PSME4: variants seen among roughly 807,000 people sequenced by gnomAD.
PSME4 encodes proteasome activator subunit 4.
In PSME4, 89 loss-of-function variants were observed where a neutral mutation model predicts 253.9. The ratio of observed to expected loss-of-function variants is 0.35; its 90% CI spans 0.30 to 0.42. PSME4 has a LOEUF of 0.42. Among genes scored for constraint, PSME4 ranks in the 10% least tolerant of loss-of-function variants. The pLI is 1.00. For missense variants in PSME4, 2,014 were observed against 2,195.2 expected, an observed-to-expected ratio of 0.92 and a Z score of 1.65; for synonymous variants, 851 against 759.2, an observed-to-expected ratio of 1.12 and a Z score of -1.99.
At chr2:53,923,143 G>C (rs1488070993) in intron 15 of PSME4, 25 bp from the exon 16 acceptor site, 4 of 1,576,042 alleles carry the variant, frequency 2.5e-6, no homozygotes, top group Non-Finnish European at 2.6e-6. Flanking sequence ...GTATAAGTAA[G>C]GCTTTTTTGA....
At chr2:53,916,659 A>G (rs1419290968) in intron 20 of PSME4, among the ~76,000 whole-genome samples, 2 of 152,216 alleles carry the variant, frequency 1.3e-5, no homozygotes, top group African/African-American at 4.8e-5. Context: ...AGATTTGAAC[A>G]ATTACTAACC....
chr2:53,899,872 A>G lies in PSME4; in HGVS notation c.3422+9T>C, dbSNP rs1680314448. On this transcript the variant is annotated intron_variant, in intron 29 of 46. Coordinates refer to ENST00000404125, the MANE Select transcript of PSME4 (RefSeq NM_014614.3). Reference sequence around the variant, plus strand: ...TGTCATCTATTGAAGTACACCATTCATCAATTACCTTAGGGCATCGGCATT... The same window carrying G: ...TGTCATCTATTGAAGTACACCATTCGTCAATTACCTTAGGGCATCGGCATT... 1.2e-6 allele frequency: 2 copies of G among 1,611,830 alleles called. No homozygotes were observed. Among genetic ancestry groups the G allele is most frequent in the Non-Finnish European group, 1.7e-6 (2 of 1,179,308 alleles).
At chr2:53,959,545 C>G (rs964018146) in intron 1 of PSME4, among the ~76,000 whole-genome samples, 3 of 152,170 alleles carry the variant, frequency 2.0e-5, no homozygotes, top group African/African-American at 7.2e-5. Context: ...ATAGCTATAT[C>G]AGTTCCAGTC....
rs1342298569 is a variant in PSME4, at chr2:53,921,022, C to T, written c.2129G>A (p.Cys710Tyr). Residue 710 changes from cysteine to tyrosine, a missense_variant, in exon 18 of 47, where the codon TGT becomes TAT. Physicochemically the swap from Cys to Tyr is radical, Grantham distance 194 (BLOSUM62 -2). Around this residue, in one of 4 missense-constraint regions of PSME4, gnomAD observed 989 missense variants for 1,021.1 expected, o/e 0.97. Coordinates refer to ENST00000404125, the MANE Select transcript of PSME4 (RefSeq NM_014614.3). ...KILQRTLHLT[C>Y]KQGYTLSCNL... The stretch of plus-strand genomic sequence containing the variant: ...ACAAGACAGAGTGTAACCCTGCTTA[C>T]AGGTTAAATGTAGGGTTCTTTGGAG... 3 of 1,613,968 alleles carry T rather than the reference C, an allele frequency of 1.9e-6. No homozygotes were observed. The highest frequency in any genetic ancestry group is 1.3e-5 in the African/African-American group (1 of 74,924).
At chr2:53,959,084 G>A (rs1160570632) in intron 1 of PSME4, among the ~76,000 whole-genome samples, 1 of 152,234 alleles carries the variant, frequency 6.6e-6, no homozygotes, top group Non-Finnish European at 1.5e-5. Context: ...TGGGAAGCCA[G>A]GGCAGGTGGA....
chr2:53,904,178 A>ATAAAATTTTATT, intron 26 of PSME4, 22 bp from the exon 27 acceptor site: 1 of 1,593,716 alleles, frequency 6.3e-7, no homozygotes, highest in Non-Finnish European at 8.6e-7. Context: ...ATTATTAACA[A>ATAAAATTTTATT]AGGACTTTTA....
intron 10 of PSME4, among the ~76,000 whole-genome samples, chr2:53,930,332 G>A (rs1668766384): frequency 6.6e-6 from 1 of 152,136 alleles, no homozygotes; most frequent in African/African-American, 2.4e-5. Context: ...GGGAACTAAA[G>A]AAACATCAAA....
chr2:53,881,746 G>A (rs1679400673), intron 41 of PSME4, among the ~76,000 whole-genome samples: 1 of 152,030 alleles, frequency 6.6e-6, no homozygotes, highest in Non-Finnish European at 1.5e-5. Context: ...ACCACACCTG[G>A]CTAATTTTTG....
intron 3 of PSME4, among the ~76,000 whole-genome samples, chr2:53,940,952 CATATATATATATATATATAT>C (rs1169212491): frequency 1.2e-4 from 3 of 24,022 alleles, no homozygotes; most frequent in Non-Finnish European, 2.2e-4. Flanking sequence ...TATATATATA[CATATATATATATATATATAT>C]ATATATATAT....
chr2:53,899,966 GGTTT>G lies in PSME4; in HGVS notation c.3333_3336del (p.Lys1111AsnfsTer29). The G allele has an allele frequency of 6.2e-7, 1 of 1,613,390 alleles. No individual in the cohort carries two copies. The highest frequency in any genetic ancestry group is 8.5e-7 in the Non-Finnish European group (1 of 1,179,512). On this transcript the variant is annotated frameshift_variant, in exon 29 of 47. Coordinates refer to ENST00000404125, the MANE Select transcript of PSME4 (RefSeq NM_014614.3). LOFTEE classifies it high-confidence loss of function. The stretch of plus-strand genomic sequence containing the variant: ...CTAAGCAATATCTGGTTGATAGAGG[GGTTT>G]TTTGACTGTTGAAGTAATTCCGCTA...
Position 53,920,913 on chromosome 2 carries a change from A to C in PSME4, c.2238T>G (p.Pro746=), listed in dbSNP as rs766891063. The C allele has an allele frequency of 6.2e-6, 10 of 1,608,056 alleles. No individual in the cohort carries two copies. In the South Asian group the frequency reaches 8.8e-5, roughly 14 times the overall value. ...CCTTGATAGGAAAGTATTCAGAAGG[A>C]GGCTTGTCAAAGCCACCTGGCACAC... ...YCSVPGGFDK[P]PSEYFPIKDW... Residue 746 remains proline (P), a synonymous_variant, in exon 18 of 47, where the codon CCT becomes CCG. Transcript: ENST00000404125.
intron 14 of PSME4, among the ~76,000 whole-genome samples, chr2:53,925,304 C>A (rs1245928394): frequency 6.6e-6 from 1 of 152,200 alleles, no homozygotes; most frequent in Non-Finnish European, 1.5e-5. Context: ...ATTTAAGTAA[C>A]TGAATTTTTG....
chr2:53,955,610 A>G (rs184463554), intron 1 of PSME4, among the ~76,000 whole-genome samples: 1 of 152,212 alleles, frequency 6.6e-6, no homozygotes, highest in Non-Finnish European at 1.5e-5. Flanking sequence ...ATAAAAATAC[A>G]TAATCATTCA....
At chr2:53,889,384 CTATGTAAATAGCTGTTATACTG>C (rs1679794056) in intron 37 of PSME4, among the ~76,000 whole-genome samples, 2 of 151,998 alleles carry the variant, frequency 1.3e-5, no homozygotes, top group South Asian at 4.2e-4. Flanking sequence ...AATGTAAATG[CTATGTAAATAGCTGTTATACTG>C]TATTGTTTAG....
intron 7 of PSME4, among the ~76,000 whole-genome samples, chr2:53,935,317 A>T (rs805359): frequency 0.54 from 82,206 of 151,940 alleles, 22,607 homozygotes; most frequent in East Asian, 0.72. Context: ...TTTCTCTTCC[A>T]CAATTAGTTT....
At chr2:53,887,830 G>C (rs805399) in intron 39 of PSME4, 28 bp downstream of exon 39, 2 of 1,536,794 alleles carry the variant, frequency 1.3e-6, no homozygotes, top group African/African-American at 1.4e-5. Context: ...GAACTCGAGA[G>C]GTACACCACA....
intron 41 of PSME4, among the ~76,000 whole-genome samples, chr2:53,879,777 G>A (rs191896267): frequency 7.3e-6 from 1 of 137,182 alleles, no homozygotes; most frequent in Non-Finnish European, 1.5e-5. Flanking sequence ...ACTCCAGCCT[G>A]GGTGACAGAG....
chr2:53,919,223 G>C lies in PSME4; in HGVS notation c.2444C>G (p.Thr815Ser), dbSNP rs1366601331. ...GCCAATTAAACAGTTGTGCACTATA[G>C]TCAGACTCTGTAGAATATCATCTCT... ...MSRDDILQSLTIVHNCLIGSG... is the reference protein window; with the variant it reads ...MSRDDILQSLSIVHNCLIGSG... The change falls in exon 20 of 47, where the codon ACT (threonine) becomes AGT (serine). Residue 815 changes from threonine (T) to serine (S), a missense_variant. Physicochemically the swap from Thr to Ser is moderately conservative, Grantham distance 58 (BLOSUM62 1). This residue lies in a region of PSME4 where 989 missense variants were observed against 1,021.1 expected (regional missense o/e 0.97). Coordinates refer to ENST00000404125, the MANE Select transcript of PSME4 (RefSeq NM_014614.3). The C allele has an allele frequency of 4.4e-6, 7 of 1,600,352 alleles. No homozygotes were observed. The highest frequency in any genetic ancestry group is 3.4e-4 in the Middle Eastern group (2 of 5,844).
At chr2:53,942,033 G>C (rs1445056735) in intron 3 of PSME4, 1 of 152,544 alleles carries the variant, frequency 6.6e-6, no homozygotes, top group Non-Finnish European at 1.5e-5. Context: ...CTTATTAGAG[G>C]ATTAGGGTAT....
Sources: allele counts gnomAD v4.1 joint callset (sites outside exome capture counted in the v4.1 genomes callset), GRCh38; gene constraint gnomAD v4.1.1; regional missense constraint gnomAD v4.1.1; transcripts MANE v1.5; gene names NCBI Gene and HGNC (gene_info 2026-07-23, HGNC 2026-07-21).